A4GALT: variants seen among roughly 807,000 people sequenced by gnomAD.
The protein encoded by A4GALT is lactosylceramide 4-alpha-galactosyltransferase.
For missense variants in A4GALT, 512 were observed against 486.0 expected, an observed-to-expected ratio of 1.05 and a Z score of -0.50; for synonymous variants, 257 against 220.7, an observed-to-expected ratio of 1.16 and a Z score of -1.46.
In A4GALT at chr22:42,694,013, A is replaced by T; in HGVS notation, c.-46-16T>A. ...ACCGGCTGGTCTGCAAGAGATGAGC[A>T]CCCGCCATCAGGGAGGCCGTTGGCA... is the stretch of plus-strand genomic sequence containing the variant. On this transcript the variant is annotated splice_polypyrimidine_tract_variant and intron_variant, in intron 2 of 2. Coordinates refer to ENST00000642412, the MANE Select transcript of A4GALT (RefSeq NM_017436.7). The T allele has an allele frequency of 7.0e-7, 1 of 1,421,568 alleles. No homozygotes were observed. Among genetic ancestry groups the T allele is most frequent in the South Asian group, 1.2e-5 (1 of 81,368 alleles). 88.1% of individuals were successfully genotyped at this position (1,421,568 alleles called of 1,614,324 possible).
intron 1 of A4GALT, among the ~76,000 whole-genome samples, chr22:42,706,248 G>A (rs1375510597): frequency 3.3e-5 from 5 of 149,656 alleles, no homozygotes; most frequent in Non-Finnish European, 5.9e-5. Flanking sequence ...CCAGTTACTC[G>A]GGAGGCTGAG....
chr22:42,700,778 G>A (rs949588336), intron 1 of A4GALT, among the ~76,000 whole-genome samples: 2 of 152,234 alleles, frequency 1.3e-5, no homozygotes, highest in African/African-American at 4.8e-5. Context: ...TGCATCTCCA[G>A]GGCCCAGCCC....
intron 1 of A4GALT, among the ~76,000 whole-genome samples, chr22:42,706,352 C>A (rs1204833500): frequency 1.9e-5 from 1 of 51,726 alleles, no homozygotes; most frequent in African/African-American, 7.9e-5. Flanking sequence ...GAGACTCCAT[C>A]CCAAAAAAAA....
rs747290435 is a variant in A4GALT at position 42,693,520 on chromosome 22, C to T, written c.432G>A (p.Leu144=). ...TGTCCCGGAACAGCTCCCGCAGGTCCAGCGGGAGCATCTGGACATTCGGGA... is the reference window on the plus strand; with the variant it reads ...TGTCCCGGAACAGCTCCCGCAGGTCTAGCGGGAGCATCTGGACATTCGGGA... ...SCFPNVQMLP[L]DLRELFRDTP... The change falls in exon 3 of 3, where the codon CTG becomes CTA. Residue 144 remains leucine, a synonymous_variant. Coordinates refer to ENST00000642412, the MANE Select transcript of A4GALT (RefSeq NM_017436.7). 6.2e-7 allele frequency: 1 copy of T among 1,613,268 alleles called. No homozygotes were observed. The highest frequency in any genetic ancestry group is 2.2e-5 in the East Asian group (1 of 44,866).
chr22:42,702,731 C>T (rs1461992820), intron 1 of A4GALT, among the ~76,000 whole-genome samples: 4 of 132,848 alleles, frequency 3.0e-5, no homozygotes, highest in African/African-American at 1.3e-4. Flanking sequence ...GGGGAGGGGA[C>T]GTAGTGGGAG....
At chr22:42,717,593 C>T (rs1040314117) in intron 1 of A4GALT, among the ~76,000 whole-genome samples, 9 of 152,152 alleles carry the variant, frequency 5.9e-5, no homozygotes, top group African/African-American at 2.2e-4. Flanking sequence ...ATCAACCTGT[C>T]CCTCCTTCTC....
At chr22:42,695,998 C>T (rs78018648) in intron 1 of A4GALT, among the ~76,000 whole-genome samples, 16,597 of 151,688 alleles carry the variant, frequency 0.11, 1,570 homozygotes, top group East Asian at 0.56. Context: ...TGGTGTGCGC[C>T]TGTAATCCCA....
intron 1 of A4GALT, among the ~76,000 whole-genome samples, chr22:42,719,561 TTTG>T: frequency 6.6e-6 from 1 of 152,168 alleles, no homozygotes; most frequent in East Asian, 1.9e-4. Context: ...GGGACCCTCT[TTTG>T]GGGGGTTGCA....
rs757128526 is a variant in A4GALT at position 42,693,466 on chromosome 22, C to T, written c.486G>A (p.Val162=). 3 of 1,613,130 alleles carry T rather than the reference C, an allele frequency of 1.9e-6. No homozygotes were observed. Among genetic ancestry groups the T allele is most frequent in the South Asian group, 1.1e-5 (1 of 91,056 alleles). ...GCAGGTAGGGCTCCCAGCGCCCCTG[C>T]ACGGCCGCGTACCAGTCGGCCAGGG... ...DTPLADWYAA[V]QGRWEPYLLP... Residue 162 remains valine (V), a synonymous_variant, in exon 3 of 3, where the codon GTG becomes GTA. Coordinates refer to ENST00000642412, the MANE Select transcript of A4GALT (RefSeq NM_017436.7).
At chr22:42,701,693 C>T (rs1369074266) in intron 1 of A4GALT, among the ~76,000 whole-genome samples, 4 of 152,198 alleles carry the variant, frequency 2.6e-5, no homozygotes, top group African/African-American at 9.7e-5. Context: ...TGACTCAGGT[C>T]CAGCTAATGA....
chr22:42,703,273 T>TTTTTTTA (rs1920939230), intron 1 of A4GALT, among the ~76,000 whole-genome samples: 1 of 146,318 alleles, frequency 6.8e-6, no homozygotes, highest in African/African-American at 2.7e-5. Flanking sequence ...TTTTTTTTTT[T>TTTTTTTA]GAGACAGAGT....
chr22:42,707,645 G>A (rs545155404), intron 1 of A4GALT, among the ~76,000 whole-genome samples: 6 of 152,204 alleles, frequency 3.9e-5, no homozygotes, highest in African/African-American at 1.4e-4. Flanking sequence ...GACTGAGTGA[G>A]AGACTCTTTC....
chr22:42,710,387 A>C (rs1921573601), intron 1 of A4GALT, among the ~76,000 whole-genome samples: 1 of 152,142 alleles, frequency 6.6e-6, no homozygotes, highest in South Asian at 2.1e-4. Flanking sequence ...GGTTAAACTT[A>C]ACAAAAGATA....
At chr22:42,701,304 C>T (rs1034862459) in intron 1 of A4GALT, among the ~76,000 whole-genome samples, 1 of 152,184 alleles carries the variant, frequency 6.6e-6, no homozygotes, top group Admixed American at 6.5e-5. Context: ...AACACCAGCA[C>T]CCAGGACACA....
chr22:42,693,673 C>T lies in A4GALT; in HGVS notation c.279G>A (p.Leu93=), dbSNP rs766184228. The T allele has an allele frequency of 6.2e-7, 1 of 1,600,308 alleles. No individual in the cohort carries two copies. The highest frequency in any genetic ancestry group is 8.5e-7 in the Non-Finnish European group (1 of 1,176,724). ...ETSDRTNPNF[L]FMCSVESAAR... ...CGGCCGACTCCACCGAGCACATGAA[C>T]AGGAAGTTGGGGTTGGTCCGGTCTG... The change falls in exon 3 of 3, where the codon CTG becomes CTA. Residue 93 remains leucine, a synonymous_variant. Coordinates refer to ENST00000642412, the MANE Select transcript of A4GALT (RefSeq NM_017436.7).
chr22:42,701,915 C>A (rs1931323287), intron 1 of A4GALT, among the ~76,000 whole-genome samples: 1 of 152,148 alleles, frequency 6.6e-6, no homozygotes, highest in Non-Finnish European at 1.5e-5. Flanking sequence ...CACGTGGATC[C>A]CACCCTACGT....
At position 42,699,471 on chromosome 22, in the gene A4GALT, C is replaced by T. The variant is rs1931158119; in HGVS notation, c.-187-3840G>A. Among the ~76,000 whole-genome samples, 5 of 152,196 alleles carry T rather than the reference C, an allele frequency of 3.3e-5. 1 individual carries two copies. ...GCCCCCTGGTGTGAGTGGCCACGAC[C>T]CTCCTGTCACTCTCGGTCACATCAC... On this transcript the variant is annotated intron_variant, in intron 1 of 2. Coordinates refer to ENST00000642412, the MANE Select transcript of A4GALT (RefSeq NM_017436.7).
chr22:42,696,159 G>A (rs1344229303), intron 1 of A4GALT, among the ~76,000 whole-genome samples: 2 of 143,514 alleles, frequency 1.4e-5, no homozygotes, highest in African/African-American at 5.1e-5. Flanking sequence ...GGTAGCTCAC[G>A]CCTGTAATCC....
At chr22:42,719,607 T>G (rs1922511235) in intron 1 of A4GALT, among the ~76,000 whole-genome samples, 1 of 152,118 alleles carries the variant, frequency 6.6e-6, no homozygotes, top group Non-Finnish European at 1.5e-5. Context: ...GGGTTTCGGG[T>G]CCTGGAGAAG....
Sources: allele counts gnomAD v4.1 joint callset (sites outside exome capture counted in the v4.1 genomes callset), GRCh38; gene constraint gnomAD v4.1.1; transcripts MANE v1.5; gene names NCBI Gene and HGNC (gene_info 2026-07-23, HGNC 2026-07-21).